PPFIA1: variants seen among roughly 807,000 people sequenced by gnomAD.
PPFIA1 encodes the protein liprin-alpha-1.
A neutral mutation model predicts 149.9 loss-of-function variants in PPFIA1; 25 were observed. The observed-to-expected ratio is 0.17, with a 90% CI of 0.12 to 0.23. PPFIA1 has a LOEUF of 0.23. Among genes scored for constraint, PPFIA1 ranks in the 10% least tolerant of loss-of-function variants. The pLI is 1.00. For synonymous variants in PPFIA1, 549 were observed against 552.8 expected (o/e 0.99, Z 0.10); for missense variants, 1,362 against 1,506.5 (o/e 0.90, Z 1.59).
intron 10 of PPFIA1, chr11:70,334,312 A>G (rs1565409703): frequency 6.6e-6 from 1 of 152,162 alleles, no homozygotes; most frequent in East Asian, 1.9e-4. Context: ...ACATCAGCCC[A>G]CTTTATAACA....
chr11:70,357,974 G>A (rs892423664), intron 19 of PPFIA1, among the ~76,000 whole-genome samples: 4 of 152,126 alleles, frequency 2.6e-5, no homozygotes, highest in Admixed American at 2.6e-4. Flanking sequence ...CTGGAAACAT[G>A]CTAGGAAAAT....
chr11:70,352,364 C>A (rs899846596), intron 16 of PPFIA1, among the ~76,000 whole-genome samples: 1 of 152,204 alleles, frequency 6.6e-6, no homozygotes, highest in Non-Finnish European at 1.5e-5. Context: ...ACACAGAGCA[C>A]GGCCTTCAGT....
At chr11:70,377,761 A>T (rs1458009092) in intron 25 of PPFIA1, among the ~76,000 whole-genome samples, 2 of 152,242 alleles carry the variant, frequency 1.3e-5, no homozygotes, top group Non-Finnish European at 2.9e-5. Context: ...TAAGAAGTAG[A>T]ACATGATGCT....
At chr11:70,277,491 T>C (rs2050481007) in intron 2 of PPFIA1, among the ~76,000 whole-genome samples, 1 of 151,910 alleles carries the variant, frequency 6.6e-6, no homozygotes, top group Admixed American at 6.6e-5. Flanking sequence ...GTTTTTTTTT[T>C]TTCTTTTTTT....
intron 2 of PPFIA1, among the ~76,000 whole-genome samples, chr11:70,290,347 C>G (rs78778782): frequency 2.0e-5 from 3 of 152,228 alleles, no homozygotes; most frequent in Admixed American, 6.5e-5. Flanking sequence ...CACCCACCTC[C>G]GATAGGTGGG....
intron 2 of PPFIA1, among the ~76,000 whole-genome samples, chr11:70,288,730 G>A (rs2051320214): frequency 6.6e-6 from 1 of 152,176 alleles, no homozygotes; most frequent in East Asian, 1.9e-4. Context: ...CTCCTTGGAT[G>A]CTCATATTGT....
intron 11 of PPFIA1, 87 bp from the exon 12 acceptor site, chr11:70,337,278 C>T: frequency 1.1e-6 from 1 of 907,560 alleles, no homozygotes; most frequent in Non-Finnish European, 1.6e-6. Context: ...TTTGTGTGGT[C>T]CTTTTTTTTT....
intron 20 of PPFIA1, 42 bp downstream of exon 20, chr11:70,362,218 T>G (rs747310372): frequency 6.2e-7 from 1 of 1,607,616 alleles, no homozygotes; most frequent in Admixed American, 1.7e-5. Context: ...GGTTACAGTA[T>G]GTGAACTTAC....
intron 25 of PPFIA1, among the ~76,000 whole-genome samples, chr11:70,377,052 G>A (rs1309169675): frequency 1.3e-5 from 2 of 151,250 alleles, no homozygotes; most frequent in African/African-American, 4.9e-5. Flanking sequence ...CAGCCTGGGC[G>A]ACAGAGAGAA....
chr11:70,286,656 C>T (rs947792803), intron 2 of PPFIA1, among the ~76,000 whole-genome samples: 3 of 152,112 alleles, frequency 2.0e-5, no homozygotes, highest in Non-Finnish European at 2.9e-5. Context: ...CTCTCAGACC[C>T]GAACCCTTTG....
chr11:70,326,850 T>C, intron 7 of PPFIA1, 32 bp downstream of exon 7: 1 of 1,560,456 alleles, frequency 6.4e-7, no homozygotes, highest in South Asian at 1.1e-5. Flanking sequence ...AGTCTTGTCA[T>C]GAAGTTGTAT....
intron 26 of PPFIA1, chr11:70,381,366 G>A (rs929258809): frequency 2.0e-5 from 3 of 152,162 alleles, no homozygotes; most frequent in Admixed American, 6.6e-5. Context: ...AATGGAAATC[G>A]GGCTTACTTA....
chr11:70,370,468 C>T (rs1366969855), intron 21 of PPFIA1, among the ~76,000 whole-genome samples: 1 of 151,710 alleles, frequency 6.6e-6, no homozygotes, highest in African/African-American at 2.4e-5. Context: ...CTCACTGCAA[C>T]CTCCACCTCC....
intron 19 of PPFIA1, among the ~76,000 whole-genome samples, chr11:70,359,003 C>T (rs1314196293): frequency 6.6e-6 from 1 of 152,194 alleles, no homozygotes; most frequent in Non-Finnish European, 1.5e-5. Flanking sequence ...TCAGGGTAAG[C>T]AGACTCGGGA....
intron 19 of PPFIA1, among the ~76,000 whole-genome samples, chr11:70,357,544 G>C (rs2056415026): frequency 6.6e-6 from 1 of 151,990 alleles, no homozygotes; most frequent in Non-Finnish European, 1.5e-5. Flanking sequence ...CCACGTAACA[G>C]CAAAATCTGA....
intron 2 of PPFIA1, among the ~76,000 whole-genome samples, chr11:70,272,771 C>T (rs529525413): frequency 6.6e-6 from 1 of 152,332 alleles, no homozygotes; most frequent in South Asian, 2.1e-4. Flanking sequence ...TAAGCCTTTT[C>T]TGGCTAAACT....
At position 70,362,290 on chromosome 11, in the gene PPFIA1, C is replaced by G; in HGVS notation, c.2667C>G (p.Leu889=). ...TTCCTTCCGCTTTCCGCCTCCAGCT[C>G]TGGGTTGGGATGCCAGCCTGGTATG... ...DGPTVVVWLE[L]WVGMPAWYVA... The change falls in exon 21 of 28, where the codon CTC becomes CTG. Residue 889 remains leucine (L), a splice_region_variant and synonymous_variant. Transcript: ENST00000253925. 6.2e-7 allele frequency: 1 copy of G among 1,614,130 alleles called. No individual in the cohort carries two copies. The highest frequency in any genetic ancestry group is 8.5e-7 in the Non-Finnish European group (1 of 1,179,974).
At chr11:70,364,777 T>C (rs962516408) in intron 21 of PPFIA1, 7 of 152,188 alleles carry the variant, frequency 4.6e-5, no homozygotes, top group African/African-American at 1.7e-4. Context: ...CTGTCTTCAG[T>C]AATGATGGAG....
At chr11:70,356,356 A>G in intron 19 of PPFIA1, 102 bp downstream of exon 19, 2 of 830,754 alleles carry the variant, frequency 2.4e-6, no homozygotes, top group South Asian at 1.6e-5. Context: ...GTATATATAC[A>G]TTATATTCTG....
Sources: allele counts gnomAD v4.1 joint callset (sites outside exome capture counted in the v4.1 genomes callset), GRCh38; gene constraint gnomAD v4.1.1; transcripts MANE v1.5; gene names NCBI Gene and HGNC (gene_info 2026-07-23, HGNC 2026-07-21).